The following SPATS2 variants were observed in gnomAD, a reference collection of about 807,000 sequenced individuals.
The protein encoded by SPATS2 is spermatogenesis-associated serine-rich protein 2.
In SPATS2, 38 loss-of-function variants were observed where a neutral mutation model predicts 63.7. The ratio of observed to expected loss-of-function variants is 0.60; its 90% confidence interval spans 0.46 to 0.78. The LOEUF is 0.78. Ranked by LOEUF, SPATS2 falls within the 30% of genes least tolerant of loss-of-function variation. The pLI, the probability that SPATS2 is intolerant of heterozygous loss-of-function variation, is 0.00. For synonymous variants in SPATS2, 207 were observed against 232.9 expected, an observed-to-expected ratio of 0.89 and a Z score of 1.01; for missense variants, 588 against 666.2, an observed-to-expected ratio of 0.88 and a Z score of 1.29.
At chr12:49,398,371 T>C (rs930338993) in intron 2 of SPATS2, among the ~76,000 whole-genome samples, 1 of 152,216 alleles carries the variant, frequency 6.6e-6, no homozygotes, top group South Asian at 2.1e-4. Flanking sequence ...TCAGCAGTTA[T>C]GTGGAGGCTG....
intron 2 of SPATS2, chr12:49,389,749 A>G: frequency 1.3e-6 from 2 of 1,510,580 alleles, no homozygotes; most frequent in East Asian, 2.3e-5. Flanking sequence ...CAAATCAGAG[A>G]ATTGCAACAA....
chr12:49,499,887 T>C (rs555524578), intron 8 of SPATS2, among the ~76,000 whole-genome samples, 183 bp from the exon 9 acceptor site: 14 of 152,334 alleles, frequency 9.2e-5, no homozygotes, highest in Middle Eastern at 6.8e-3. Flanking sequence ...TTATTCCATC[T>C]TGACCAGGAT....
intron 7 of SPATS2, among the ~76,000 whole-genome samples, 165 bp downstream of exon 7, chr12:49,495,167 T>G (rs909326435): frequency 2.6e-5 from 4 of 152,226 alleles, no homozygotes; most frequent in African/African-American, 9.6e-5. Flanking sequence ...GAGTCACATT[T>G]TATAATTATC....
At chr12:49,418,000 C>T (rs764363690) in intron 2 of SPATS2, among the ~76,000 whole-genome samples, 52 of 152,172 alleles carry the variant, frequency 3.4e-4, no homozygotes, top group Non-Finnish European at 8.8e-5. Flanking sequence ...CCACTTCAGC[C>T]TCCTGAGTAG....
chr12:49,459,171 G>A (rs2137665003), intron 2 of SPATS2, among the ~76,000 whole-genome samples: 1 of 152,108 alleles, frequency 6.6e-6, no homozygotes, highest in East Asian at 1.9e-4. Flanking sequence ...TTATAAGGGG[G>A]ATAATAAAAC....
chr12:49,504,742 T>G (rs2137977333), intron 9 of SPATS2, among the ~76,000 whole-genome samples: 1 of 150,944 alleles, frequency 6.6e-6, no homozygotes, highest in East Asian at 1.9e-4. Context: ...GCGTTTTTTT[T>G]TTTCCTGTTT....
chr12:49,384,430 A>G (rs1232150676), intron 2 of SPATS2, among the ~76,000 whole-genome samples: 1 of 152,202 alleles, frequency 6.6e-6, no homozygotes, highest in African/African-American at 2.4e-5. Context: ...CCCATTCCCC[A>G]TACATGGTAC....
At chr12:49,428,245 A>AC (rs1460292519) in intron 2 of SPATS2, among the ~76,000 whole-genome samples, 2 of 151,018 alleles carry the variant, frequency 1.3e-5, no homozygotes, top group Non-Finnish European at 2.9e-5. Flanking sequence ...AAGGAGCGAG[A>AC]CCCCGTCTCA....
At position 49,526,103 on chromosome 12, in the gene SPATS2, C is replaced by T; in HGVS notation, c.1486C>T (p.Pro496Ser). Residue 496 changes from proline (P) to serine (S), a missense_variant, in exon 14 of 14, where the codon CCA (proline) becomes TCA (serine). By Grantham distance (74) the Pro-to-Ser change is moderately conservative. Transcript: ENST00000552918. ...GTATCAGAGTGCTCCATCTCAGGCACCAGGAAACACCATTGAAAGAGGCCA... is the reference window on the plus strand; with the variant it reads ...GTATCAGAGTGCTCCATCTCAGGCATCAGGAAACACCATTGAAAGAGGCCA... ...SRYQSAPSQAPGNTIERGQTH... is the reference protein window; with the variant it reads ...SRYQSAPSQASGNTIERGQTH... 6.2e-7 allele frequency: 1 copy of T among 1,614,152 alleles called. No individual in the cohort carries two copies. The highest frequency in any genetic ancestry group is 8.5e-7 in the Non-Finnish European group (1 of 1,180,034).
At chr12:49,503,272 C>T (rs1946596683) in intron 9 of SPATS2, among the ~76,000 whole-genome samples, 1 of 151,780 alleles carries the variant, frequency 6.6e-6, no homozygotes, top group Admixed American at 6.6e-5. Context: ...ATTGCTTGAA[C>T]CCAGGAGGTG....
chr12:49,514,854 A>T (rs76606676), intron 10 of SPATS2, among the ~76,000 whole-genome samples: 1 of 152,310 alleles, frequency 6.6e-6, no homozygotes, highest in East Asian at 1.9e-4. Flanking sequence ...TGTATAAGAG[A>T]CTGCATCACG....
intron 7 of SPATS2, among the ~76,000 whole-genome samples, chr12:49,496,264 G>A (rs1184514320): frequency 6.6e-6 from 1 of 151,870 alleles, no homozygotes; most frequent in East Asian, 1.9e-4. Context: ...CCCCTAGAGC[G>A]TTGTTGTTTG....
intron 1 of SPATS2, among the ~76,000 whole-genome samples, chr12:49,368,532 A>G (rs1943943071): frequency 2.0e-5 from 3 of 152,202 alleles, no homozygotes; most frequent in Non-Finnish European, 4.4e-5. Flanking sequence ...CTTTGTTAGA[A>G]TTGCAATTTC....
chr12:49,418,004 T>C lies in SPATS2; in HGVS notation c.-243-42766T>C, dbSNP rs578184121. On this transcript the variant is annotated intron_variant, in intron 2 of 13. Coordinates refer to ENST00000552918, the MANE Select transcript of SPATS2 (RefSeq NM_023071.4). ...ATGCCATCCTCCCACTTCAGCCTCC[T>C]GAGTAGCTGAGACTACAGGCGCATG... 9.2e-5 allele frequency among the ~76,000 whole-genome samples: 14 copies of C among 152,226 alleles called. No individual in the cohort carries two copies. In the East Asian group the frequency reaches 1.4e-3, roughly 15 times the overall value.
At chr12:49,506,255 G>C (rs914150450) in intron 9 of SPATS2, among the ~76,000 whole-genome samples, 16 of 152,160 alleles carry the variant, frequency 1.1e-4, no homozygotes, top group Admixed American at 1.0e-3. Context: ...ACTTCGGGAG[G>C]CTGTATTCGT....
chr12:49,389,755 A>C, intron 2 of SPATS2: 2 of 1,470,410 alleles, frequency 1.4e-6, no homozygotes, highest in Non-Finnish European at 1.9e-6. Context: ...AGAGAATTGC[A>C]ACAAGAAAGA....
Position 49,395,151 on chromosome 12 carries a change from T to A in SPATS2, c.-244+23861T>A, listed in dbSNP as rs939045442. On this transcript the variant is annotated intron_variant, in intron 2 of 13. Coordinates refer to ENST00000552918, the MANE Select transcript of SPATS2 (RefSeq NM_023071.4). The stretch of plus-strand genomic sequence containing the variant: ...ATTCCTTTTAATTTTTAATTTAAAA[T>A]TTTTTTAATTTAAAGTATTTTTTTA... 5.9e-5 allele frequency among the ~76,000 whole-genome samples: 9 copies of A among 152,114 alleles called. No individual in the cohort carries two copies. The South Asian group carries it at 8.3e-4, about 14-fold the overall frequency.
chr12:49,442,393 A>T (rs1340222575), intron 2 of SPATS2: 3 of 152,928 alleles, frequency 2.0e-5, no homozygotes, highest in African/African-American at 7.2e-5. Flanking sequence ...ACCACGGATA[A>T]GACAGGGTAT....
At chr12:49,370,303 T>C (rs1336001379) in intron 1 of SPATS2, among the ~76,000 whole-genome samples, 1 of 152,218 alleles carries the variant, frequency 6.6e-6, no homozygotes, top group East Asian at 1.9e-4. Flanking sequence ...ATATTAAAAC[T>C]GGGAACTAAA....
Sources: allele counts gnomAD v4.1 joint callset (sites outside exome capture counted in the v4.1 genomes callset), GRCh38; gene constraint gnomAD v4.1.1; transcripts MANE v1.5; gene names NCBI Gene and HGNC (gene_info 2026-07-23, HGNC 2026-07-21).